The following ST18 variants were observed in gnomAD, a reference collection of about 807,000 sequenced individuals.
ST18 encodes the protein suppression of tumorigenicity 18 protein.
ST18 carries 50 observed loss-of-function variants against 110.0 expected under a neutral mutation model. The observed-to-expected ratio is 0.45, with a 90% CI of 0.36 to 0.58. ST18 has a LOEUF of 0.58. ST18 is among the 20% of genes least tolerant of loss of function. ST18 has a pLI of 0.00. For missense variants in ST18, 1,306 were observed against 1,280.1 expected (o/e 1.02, Z -0.31); for synonymous variants, 461 against 452.4 (o/e 1.02, Z -0.24).
At chr8:52,344,763 C>T in intron 2 of ST18, among the ~76,000 whole-genome samples, 1 of 152,056 alleles carries the variant, frequency 6.6e-6, no homozygotes, top group Non-Finnish European at 1.5e-5. Context: ...AGATACATCA[C>T]CTGAGATTAT....
chr8:52,400,317 T>C (rs1355543207), intron 2 of ST18, among the ~76,000 whole-genome samples: 1 of 152,124 alleles, frequency 6.6e-6, no homozygotes, highest in African/African-American at 2.4e-5. Context: ...AATGGGTCTC[T>C]TGTAGGCAGC....
At chr8:52,232,563 T>C (rs1185769203) in intron 2 of ST18, among the ~76,000 whole-genome samples, 1 of 152,164 alleles carries the variant, frequency 6.6e-6, no homozygotes, top group Admixed American at 6.5e-5. Flanking sequence ...CAGTGGTATA[T>C]GAGGTGTTCT....
intron 2 of ST18, among the ~76,000 whole-genome samples, chr8:52,329,235 GTGTGTGTGTGTTTC>G (rs1313960975): frequency 6.7e-6 from 1 of 150,190 alleles, no homozygotes; most frequent in Non-Finnish European, 1.5e-5. Flanking sequence ...GTGTGTGTGT[GTGTGTGTGTGTTTC>G]TGTGTGTGTG....
Position 52,143,010 on chromosome 8 carries a change from T to C in ST18, c.2088A>G (p.Glu696=), listed in dbSNP as rs771348633. ...DPVSSLENLE[E]KKFPGEASIP... ...TAGAGGCCTCTCCAGGAAACTTTTT[T>C]TCCTCTAAATTTTCTAGAGAGCTCA... is the stretch of plus-strand genomic sequence containing the variant. The change falls in exon 17 of 26, where the codon GAA becomes GAG. Residue 696 remains glutamate, a synonymous_variant. Transcript: ENST00000689386. 29 of 1,613,880 alleles carry C rather than the reference T, an allele frequency of 1.8e-5. No individual in the cohort carries two copies. Among genetic ancestry groups the C allele is most frequent in the Non-Finnish European group, 2.1e-5 (25 of 1,179,906 alleles).
At chr8:52,281,723 A>C (rs1297901447) in intron 2 of ST18, among the ~76,000 whole-genome samples, 1 of 152,250 alleles carries the variant, frequency 6.6e-6, no homozygotes, top group Admixed American at 6.5e-5. Flanking sequence ...CATAAAAGGA[A>C]TGAAATAATG....
At chr8:52,315,063 C>A (rs1221442984) in intron 2 of ST18, among the ~76,000 whole-genome samples, 9 of 152,190 alleles carry the variant, frequency 5.9e-5, no homozygotes, top group Non-Finnish European at 7.3e-5. Flanking sequence ...GAAGAGACAT[C>A]AGATTTCCTC....
rs951457698 is a variant in ST18 at position 52,132,995 on chromosome 8, A to C, written c.2444+62T>G. 3.2e-6 allele frequency: 5 copies of C among 1,578,220 alleles called. No individual in the cohort carries two copies. In the African/African-American group the frequency reaches 6.8e-5, roughly 21 times the overall value. ...TCCGTGTTCAATTGCATCCCAACCA[A>C]GTTCCCTCCCATTTTACCAACAAGA... is the stretch of plus-strand genomic sequence containing the variant. On this transcript the variant is annotated intron_variant, in intron 21 of 25. Coordinates refer to ENST00000689386, the MANE Select transcript of ST18 (RefSeq NM_001352837.2).
intron 11 of ST18, among the ~76,000 whole-genome samples, chr8:52,165,965 G>A (rs188038277): frequency 5.9e-5 from 9 of 152,336 alleles, no homozygotes; most frequent in Middle Eastern, 6.8e-3. Flanking sequence ...AGCTCACAGC[G>A]GGGCTGAGGG....
At chr8:52,157,129 G>T (rs751786872) in intron 15 of ST18, among the ~76,000 whole-genome samples, 1 of 152,272 alleles carries the variant, frequency 6.6e-6, no homozygotes, top group African/African-American at 2.4e-5. Flanking sequence ...TTTTTGAAAC[G>T]TGTCCATTTA....
chr8:52,372,177 T>C (rs1830496788), intron 2 of ST18, among the ~76,000 whole-genome samples: 1 of 152,098 alleles, frequency 6.6e-6, no homozygotes. Flanking sequence ...TAGGATTTTG[T>C]GTGGGTTTTG....
intron 2 of ST18, among the ~76,000 whole-genome samples, chr8:52,293,624 T>A (rs1366195819): frequency 6.6e-6 from 1 of 152,240 alleles, no homozygotes; most frequent in African/African-American, 2.4e-5. Context: ...GTTCTTTATA[T>A]GACATATAAT....
chr8:52,293,465 C>T (rs1025434594), intron 2 of ST18, among the ~76,000 whole-genome samples: 1 of 152,176 alleles, frequency 6.6e-6, no homozygotes, highest in African/African-American at 2.4e-5. Context: ...AGTGTTGAAA[C>T]AGCTTTCTTC....
chr8:52,254,446 T>G (rs1292351514), intron 2 of ST18: 3 of 152,160 alleles, frequency 2.0e-5, no homozygotes, highest in Non-Finnish European at 4.4e-5. Context: ...TGATTCACAT[T>G]TGCACATCAA....
At chr8:52,183,893 T>C (rs1297127335) in intron 8 of ST18, among the ~76,000 whole-genome samples, 1 of 152,252 alleles carries the variant, frequency 6.6e-6, no homozygotes, top group African/African-American at 2.4e-5. Flanking sequence ...TCTCACATTC[T>C]GTGCATTTCT....
intron 24 of ST18, among the ~76,000 whole-genome samples, chr8:52,116,771 C>T (rs2042701741): frequency 6.6e-6 from 1 of 152,176 alleles, no homozygotes; most frequent in Non-Finnish European, 1.5e-5. Context: ...AACTGTAGTG[C>T]AGACCCCCCA....
At chr8:52,362,118 G>A (rs1260904983) in intron 2 of ST18, among the ~76,000 whole-genome samples, 1 of 152,108 alleles carries the variant, frequency 6.6e-6, no homozygotes, top group African/African-American at 2.4e-5. Flanking sequence ...GAGTGAATTT[G>A]AACCTGGGAT....
intron 2 of ST18, among the ~76,000 whole-genome samples, chr8:52,244,714 A>G (rs2093706386): frequency 6.6e-6 from 1 of 152,170 alleles, no homozygotes; most frequent in South Asian, 2.1e-4. Flanking sequence ...TAGAGTCCCA[A>G]GGGCACTGTA....
At chr8:52,352,932 GAAGTT>G (rs1271592110) in intron 2 of ST18, among the ~76,000 whole-genome samples, 18 of 152,328 alleles carry the variant, frequency 1.2e-4, no homozygotes, top group Non-Finnish European at 8.8e-5. Flanking sequence ...GGGTCAAACT[GAAGTT>G]CAGCATGTAA....
chr8:52,352,274 G>T (rs73586627), intron 2 of ST18, among the ~76,000 whole-genome samples: 24,954 of 152,160 alleles, frequency 0.16, 3,470 homozygotes, highest in African/African-American at 0.38. Flanking sequence ...GCGCGGACAA[G>T]ACCACAAGCC....
Sources: allele counts gnomAD v4.1 joint callset (sites outside exome capture counted in the v4.1 genomes callset), GRCh38; gene constraint gnomAD v4.1.1; transcripts MANE v1.5; gene names NCBI Gene and HGNC (gene_info 2026-07-23, HGNC 2026-07-21).